The following OXR1 variants were observed in gnomAD, a reference collection of about 807,000 sequenced individuals.
OXR1 encodes the protein oxidation resistance 1.
A neutral mutation model predicts 104.6 loss-of-function variants in OXR1; 41 were observed. The observed-to-expected ratio is 0.39, with a 90% CI of 0.31 to 0.51. The LOEUF is 0.51. Among genes scored for constraint, OXR1 ranks in the 20% least tolerant of loss-of-function variants. The pLI is 0.77. For synonymous variants in OXR1, 348 were observed against 348.4 expected (o/e 1.00, Z 0.01); for missense variants, 955 against 1,031.9 (o/e 0.93, Z 1.02).
At position 106,312,717 on chromosome 8, in the gene OXR1, A is replaced by T. The variant is rs553556945; in HGVS notation, c.-139+42350A>T. ...GTGAAGAATGAAAATAACAAATGTC[A>T]GTTTTTTGAAAGCCATTTATAAAGC... On this transcript the variant is annotated intron_variant, in intron 1 of 16. Coordinates refer to ENST00000517566, the MANE Select transcript of OXR1 (RefSeq NM_001198533.2). Among the ~76,000 whole-genome samples the T allele has an allele frequency of 1.2e-4, 18 of 152,328 alleles. No homozygotes were observed. In the East Asian group the frequency reaches 3.3e-3, roughly 28 times the overall value.
rs150239516 is a variant in OXR1, at chr8:106,279,384, T to TTA, written c.-139+9017_-139+9018insTA. ...CATAGCTGTTGATTATATACTGTAT[T>TTA]AAGAGTTTTGTGTTTGAGTATCATG... On this transcript the variant is annotated intron_variant, in intron 1 of 16. Transcript: ENST00000517566. Among the ~76,000 whole-genome samples the TTA allele has an allele frequency of 3.2e-3, 486 of 152,308 alleles. 5 individuals are homozygous for TTA. The highest frequency in any genetic ancestry group is 0.011 in the African/African-American group (459 of 41,584).
At chr8:106,405,202 A>AGTGTGTGT (rs58338664) in intron 2 of OXR1, among the ~76,000 whole-genome samples, 7 of 20,028 alleles carry the variant, frequency 3.5e-4, no homozygotes, top group South Asian at 2.5e-3. Context: ...ATATATATAT[A>AGTGTGTGT]GTGTGTGTGT....
At chr8:106,510,745 C>T (rs969543736) in intron 2 of OXR1, among the ~76,000 whole-genome samples, 5 of 152,142 alleles carry the variant, frequency 3.3e-5, no homozygotes, top group African/African-American at 1.2e-4. Context: ...CATGTCATTG[C>T]ACCTGTGGCT....
chr8:106,525,699 A>T (rs1443662082), intron 3 of OXR1, among the ~76,000 whole-genome samples: 1 of 152,190 alleles, frequency 6.6e-6, no homozygotes, highest in Non-Finnish European at 1.5e-5. Flanking sequence ...CAGGTGTTTG[A>T]ATAATACCTC....
chr8:106,430,708 A>C (rs1342955252), intron 2 of OXR1, among the ~76,000 whole-genome samples: 2 of 152,184 alleles, frequency 1.3e-5, no homozygotes, highest in Non-Finnish European at 2.9e-5. Context: ...TAAACTCTCT[A>C]GTACCAGTGG....
chr8:106,539,586 A>T (rs1814797104), intron 3 of OXR1, among the ~76,000 whole-genome samples: 1 of 152,218 alleles, frequency 6.6e-6, no homozygotes, highest in African/African-American at 2.4e-5. Context: ...AAAGGTTAGG[A>T]TCTGCAGTGG....
At chr8:106,624,612 C>T (rs1240267099) in intron 3 of OXR1, among the ~76,000 whole-genome samples, 3 of 152,070 alleles carry the variant, frequency 2.0e-5, no homozygotes, top group South Asian at 2.1e-4. Flanking sequence ...AACTGACCTT[C>T]GTTTACATCT....
intron 6 of OXR1, among the ~76,000 whole-genome samples, chr8:106,688,702 A>G (rs577144918): frequency 2.0e-5 from 3 of 152,262 alleles, no homozygotes; most frequent in African/African-American, 7.2e-5. Flanking sequence ...GGTAGGTACA[A>G]TAATCATGAT....
intron 2 of OXR1, among the ~76,000 whole-genome samples, chr8:106,384,800 TGCTTCCAGGGTTCAA>T (rs1817304273): frequency 6.6e-6 from 1 of 151,602 alleles, no homozygotes; most frequent in Non-Finnish European, 1.5e-5. Context: ...CTGTAATCTC[TGCTTCCAGGGTTCAA>T]GCTATTCTCC....
intron 2 of OXR1, among the ~76,000 whole-genome samples, chr8:106,372,307 G>A (rs1225507277): frequency 6.6e-6 from 1 of 152,212 alleles, no homozygotes; most frequent in African/African-American, 2.4e-5. Flanking sequence ...ACACCACACT[G>A]TTCTTCCTTC....
At chr8:106,590,708 T>C (rs1157246338) in intron 3 of OXR1, among the ~76,000 whole-genome samples, 2 of 152,260 alleles carry the variant, frequency 1.3e-5, no homozygotes. Flanking sequence ...TACCAGCCTC[T>C]TCTTTCCTCC....
chr8:106,363,770 TA>T (rs1240761801), intron 2 of OXR1, among the ~76,000 whole-genome samples: 17 of 152,178 alleles, frequency 1.1e-4, no homozygotes, highest in Admixed American at 2.0e-4. Context: ...TATACGATTG[TA>T]AATATTTCTG....
intron 1 of OXR1, among the ~76,000 whole-genome samples, chr8:106,303,566 C>CAG (rs1346832472): frequency 2.0e-5 from 3 of 152,026 alleles, no homozygotes; most frequent in Non-Finnish European, 4.4e-5. Flanking sequence ...TACCTTACTT[C>CAG]ATTCAATCAT....
chr8:106,558,166 T>C (rs1357164529), intron 3 of OXR1, among the ~76,000 whole-genome samples: 1 of 152,196 alleles, frequency 6.6e-6, no homozygotes, highest in Non-Finnish European at 1.5e-5. Flanking sequence ...ACATGAGTAA[T>C]GAACTCCTAA....
chr8:106,375,627 G>C (rs1035373671), intron 2 of OXR1, among the ~76,000 whole-genome samples: 3 of 152,160 alleles, frequency 2.0e-5, no homozygotes, highest in African/African-American at 7.2e-5. Context: ...ATGGGGTCAT[G>C]TTACACAATT....
intron 3 of OXR1, among the ~76,000 whole-genome samples, chr8:106,662,467 T>G (rs2131095963): frequency 6.6e-6 from 1 of 152,320 alleles, no homozygotes; most frequent in South Asian, 2.1e-4. Context: ...AAGCCTGAGA[T>G]TGATATTCTT....
chr8:106,688,441 G>A (rs1195254873), intron 6 of OXR1, among the ~76,000 whole-genome samples: 2 of 151,932 alleles, frequency 1.3e-5, no homozygotes, highest in Non-Finnish European at 2.9e-5. Flanking sequence ...ATACTTTTAA[G>A]AGATTCTGAG....
At chr8:106,627,095 T>C (rs1442136956) in intron 3 of OXR1, among the ~76,000 whole-genome samples, 2 of 152,130 alleles carry the variant, frequency 1.3e-5, no homozygotes, top group African/African-American at 2.4e-5. Context: ...GTACATTCTA[T>C]TAAGCAAAAT....
At chr8:106,745,647 C>T in intron 15 of OXR1, 142 bp from the exon 16 acceptor site, 1 of 450,564 alleles carries the variant, frequency 2.2e-6, no homozygotes, top group Non-Finnish European at 3.9e-6. Context: ...ACCACCAGAG[C>T]CTTCTGTGCG....
Sources: gnomAD v4.1 joint callset for allele counts (sites outside exome capture counted in the v4.1 genomes callset) on GRCh38, gnomAD v4.1.1 for gene constraint, MANE v1.5 for transcripts, NCBI Gene and HGNC (gene_info 2026-07-23, HGNC 2026-07-21) for gene names.